The following TSHZ2 variants were observed in gnomAD, a reference collection of about 807,000 sequenced individuals.
The protein encoded by TSHZ2 is teashirt zinc finger homeobox 2, also known as teashirt homolog 2.
In TSHZ2, 21 loss-of-function variants were observed where a neutral mutation model predicts 74.4. The ratio of observed to expected loss-of-function variants is 0.28; its 90% CI spans 0.20 to 0.41. The LOEUF is 0.41. Ranked by LOEUF, TSHZ2 falls within the 10% of genes least tolerant of loss-of-function variation. TSHZ2 has a pLI of 1.00. For synonymous variants in TSHZ2, 540 were observed against 515.3 expected, an observed-to-expected ratio of 1.05 and a Z score of -0.65; for missense variants, 1,244 against 1,293.5, an observed-to-expected ratio of 0.96 and a Z score of 0.59.
chr20:53,078,729 G>A (rs1638612798), intron 1 of TSHZ2, among the ~76,000 whole-genome samples: 1 of 152,118 alleles, frequency 6.6e-6, no homozygotes, highest in Admixed American at 6.5e-5. Flanking sequence ...GTAGAGAAGT[G>A]GGTGGATTGA....
intron 1 of TSHZ2, among the ~76,000 whole-genome samples, chr20:53,050,159 ATATATG>A (rs1446200853): frequency 1.4e-5 from 2 of 143,456 alleles, no homozygotes; most frequent in African/African-American, 5.2e-5. Context: ...ATATACACAT[ATATATG>A]TACATATATA....
At chr20:53,339,640 G>A (rs1278973338) in intron 2 of TSHZ2, among the ~76,000 whole-genome samples, 6 of 152,136 alleles carry the variant, frequency 3.9e-5, no homozygotes, top group African/African-American at 1.2e-4. Context: ...AGCACAGGAC[G>A]CTATGCAGTT....
intron 2 of TSHZ2, among the ~76,000 whole-genome samples, chr20:53,460,860 G>A (rs992075768): frequency 1.3e-5 from 2 of 151,548 alleles, no homozygotes; most frequent in South Asian, 2.1e-4. Flanking sequence ...TAGGCTGCTC[G>A]GGGGTCAGGG....
At chr20:53,003,355 G>C (rs2122970034) in intron 1 of TSHZ2, among the ~76,000 whole-genome samples, 1 of 151,278 alleles carries the variant, frequency 6.6e-6, no homozygotes, top group Middle Eastern at 3.4e-3. Context: ...GACAGCTCAG[G>C]ATCTTATTTT....
chr20:53,066,098 A>G (rs1004518241), intron 1 of TSHZ2, among the ~76,000 whole-genome samples: 2 of 152,138 alleles, frequency 1.3e-5, no homozygotes, highest in Non-Finnish European at 2.9e-5. Context: ...GCACGCAAGC[A>G]TCTCCAGTCT....
chr20:53,120,635 G>T (rs1467264690), intron 1 of TSHZ2, among the ~76,000 whole-genome samples: 1 of 152,116 alleles, frequency 6.6e-6, no homozygotes, highest in Non-Finnish European at 1.5e-5. Context: ...CTGTAACAAA[G>T]TAAAAATGTT....
At chr20:53,060,868 C>T (rs146515105) in intron 1 of TSHZ2, among the ~76,000 whole-genome samples, 61 of 152,320 alleles carry the variant, frequency 4.0e-4, no homozygotes, top group Middle Eastern at 3.4e-3. Flanking sequence ...GAAGTCAGGG[C>T]AGGCCTCTCT....
At chr20:53,248,126 A>T (rs1257557771) in intron 1 of TSHZ2, among the ~76,000 whole-genome samples, 1 of 152,202 alleles carries the variant, frequency 6.6e-6, no homozygotes, top group African/African-American at 2.4e-5. Flanking sequence ...ACTGCAGGGC[A>T]GTGGCGTGAT....
intron 1 of TSHZ2, among the ~76,000 whole-genome samples, chr20:53,141,901 T>C (rs1987409004): frequency 1.3e-5 from 2 of 152,204 alleles, no homozygotes; most frequent in Non-Finnish European, 2.9e-5. Context: ...AGGTCGCCCT[T>C]CCCACAACAG....
intron 2 of TSHZ2, among the ~76,000 whole-genome samples, chr20:53,274,283 A>T (rs1990897689): frequency 6.6e-6 from 1 of 152,200 alleles, no homozygotes; most frequent in Admixed American, 6.5e-5. Context: ...TAAATAAATA[A>T]ATAAGTAAAC....
intron 1 of TSHZ2, among the ~76,000 whole-genome samples, chr20:53,121,333 C>T (rs1986804523): frequency 6.6e-6 from 1 of 151,914 alleles, no homozygotes; most frequent in African/African-American, 2.4e-5. Flanking sequence ...ATCTAATACC[C>T]CAAATCTAGT....
At chr20:53,297,390 C>T (rs927847947) in intron 2 of TSHZ2, among the ~76,000 whole-genome samples, 7 of 151,972 alleles carry the variant, frequency 4.6e-5, no homozygotes, top group Non-Finnish European at 7.4e-5. Context: ...GCTGGGACCA[C>T]AGGTGTGCAC....
chr20:53,248,309 G>A (rs1235231677), intron 1 of TSHZ2, among the ~76,000 whole-genome samples: 1 of 151,660 alleles, frequency 6.6e-6, no homozygotes, highest in East Asian at 1.9e-4. Context: ...CTGGGCTCAA[G>A]TAATCCTCAT....
At chr20:53,319,080 C>G (rs1044082065) in intron 2 of TSHZ2, among the ~76,000 whole-genome samples, 37 of 152,178 alleles carry the variant, frequency 2.4e-4, no homozygotes, top group Non-Finnish European at 1.5e-5. Context: ...CTCACCAGGT[C>G]CCTCCCATGA....
At chr20:53,370,918 C>T (rs953776366) in intron 2 of TSHZ2, among the ~76,000 whole-genome samples, 10 of 152,264 alleles carry the variant, frequency 6.6e-5, no homozygotes, top group African/African-American at 2.4e-4. Flanking sequence ...CAGTTGTGGA[C>T]GCTGGAGGTT....
At chr20:53,149,463 G>C (rs1987624171) in intron 1 of TSHZ2, among the ~76,000 whole-genome samples, 2 of 152,208 alleles carry the variant, frequency 1.3e-5, no homozygotes, top group African/African-American at 4.8e-5. Context: ...GTGAGAGAAA[G>C]AGGGGGAGGA....
intron 1 of TSHZ2, among the ~76,000 whole-genome samples, chr20:53,124,907 CT>C (rs1203390608): frequency 6.6e-6 from 1 of 152,178 alleles, no homozygotes; most frequent in East Asian, 1.9e-4. Flanking sequence ...ATATTTTAGG[CT>C]TTGCAGACCA....
intron 2 of TSHZ2, among the ~76,000 whole-genome samples, chr20:53,289,798 T>A (rs1057329660): frequency 2.0e-5 from 3 of 152,110 alleles, no homozygotes; most frequent in African/African-American, 7.2e-5. Context: ...AGCTAAGTCA[T>A]AAAAAGAATA....
chr20:53,079,750 T>A (rs961789069), intron 1 of TSHZ2, among the ~76,000 whole-genome samples: 1 of 152,204 alleles, frequency 6.6e-6, no homozygotes, highest in Admixed American at 6.5e-5. Flanking sequence ...CTCTATACCC[T>A]TTATCTCATT....
Sources: allele counts gnomAD v4.1 joint callset (sites outside exome capture counted in the v4.1 genomes callset), GRCh38; gene constraint gnomAD v4.1.1; transcripts MANE v1.5; gene names NCBI Gene and HGNC (gene_info 2026-07-23, HGNC 2026-07-21).